VAV2: variants seen among roughly 807,000 people sequenced by gnomAD.
The protein encoded by VAV2 is guanine nucleotide exchange factor VAV2.
VAV2 carries 67 observed loss-of-function variants against 132.5 expected under a neutral mutation model. The observed-to-expected ratio is 0.51, with a 90% CI of 0.42 to 0.62. The LOEUF (loss-of-function observed/expected upper bound fraction) is 0.62. Ranked by LOEUF, VAV2 falls within the 20% of genes least tolerant of loss-of-function variation. The probability of loss-of-function intolerance (pLI) is 0.00; values close to 1 mark genes in which losing one functional copy is unlikely to be tolerated. For synonymous variants in VAV2, 492 were observed against 443.5 expected (o/e 1.11, Z -1.37); for missense variants, 938 against 1,153.6 (o/e 0.81, Z 2.71).
Position 133,863,376 on chromosome 9 carries a change from T to C in VAV2, c.322-1944A>G, listed in dbSNP as rs531114911. Among the ~76,000 whole-genome samples, 93 of 152,182 alleles carry C rather than the reference T, an allele frequency of 6.1e-4. No individual in the cohort carries two copies. The highest frequency in any genetic ancestry group is 1.2e-3 in the Non-Finnish European group (83 of 67,994). On this transcript the variant is annotated intron_variant, in intron 2 of 29. Transcript: ENST00000371850. This position sits in a 1 kb window ranked among gnomAD's most constrained non-coding sequence, Gnocchi z 5.0. ...CGGTCAGCGCTGACACACAAGAACC[T>C]GTTTGTCAACCTGGAGTCAGCGCAA...
intron 2 of VAV2, among the ~76,000 whole-genome samples, chr9:133,878,012 GCCC>G (rs1189918534): frequency 3.3e-5 from 5 of 152,140 alleles, no homozygotes; most frequent in African/African-American, 4.8e-5. Flanking sequence ...AAAGCACTTG[GCCC>G]CCCGACACCC....
intron 2 of VAV2, among the ~76,000 whole-genome samples, chr9:133,864,207 C>T (rs1187355881): frequency 2.0e-5 from 3 of 151,864 alleles, no homozygotes; most frequent in Non-Finnish European, 4.4e-5. Flanking sequence ...CTCCCTCTCC[C>T]GCAGACAGCC....
In VAV2 at chr9:133,885,579, G is replaced by C. The variant is rs373440172; in HGVS notation, c.322-24147C>G. On this transcript the variant is annotated intron_variant, in intron 2 of 29. Coordinates refer to ENST00000371850, the MANE Select transcript of VAV2 (RefSeq NM_001134398.2). This position sits in a 1 kb window ranked among gnomAD's most constrained non-coding sequence, Gnocchi z 5.0. ...AGATTTTACACAAGCAAGGTGCTCA[G>C]GCCGCAGGGGAGACGTGACCCCAGG... Among the ~76,000 whole-genome samples, 25 of 152,318 alleles carry C rather than the reference G, an allele frequency of 1.6e-4. No homozygotes were observed. Among genetic ancestry groups the C allele is most frequent in the African/African-American group, 5.8e-4 (24 of 41,568 alleles).
intron 20 of VAV2, 81 bp downstream of exon 20, chr9:133,780,613 C>A: frequency 5.5e-6 from 7 of 1,283,510 alleles, no homozygotes; most frequent in Non-Finnish European, 6.9e-6. Context: ...GAAAGGCAGA[C>A]AATTGGGTCT....
intron 16 of VAV2, among the ~76,000 whole-genome samples, chr9:133,786,601 TC>T (rs1214019844): frequency 2.6e-5 from 4 of 152,180 alleles, no homozygotes; most frequent in African/African-American, 9.7e-5. Flanking sequence ...ACCTCACTTC[TC>T]TGAAGTAGAA....
chr9:133,871,724 T>C (rs1838063314), intron 2 of VAV2, among the ~76,000 whole-genome samples: 1 of 152,136 alleles, frequency 6.6e-6, no homozygotes, highest in South Asian at 2.1e-4. Context: ...CCACTGACCC[T>C]ATTTTGCCAC....
Position 133,912,948 on chromosome 9 carries a change from G to C in VAV2, c.321+26155C>G, listed in dbSNP as rs143533567. 6.6e-6 allele frequency among the ~76,000 whole-genome samples: 1 copy of C among 152,174 alleles called. No homozygotes were observed. Among genetic ancestry groups the C allele is most frequent in the South Asian group, 2.1e-4 (1 of 4,836 alleles). On this transcript the variant is annotated intron_variant, in intron 2 of 29. Coordinates refer to ENST00000371850, the MANE Select transcript of VAV2 (RefSeq NM_001134398.2). The surrounding 1 kb of genome is among the most constrained non-coding windows in gnomAD (Gnocchi z 4.3). ...TCCAACTTCAGCCAGCACAGTCCAC[G>C]GGCGGTGGAGTGCCATTTGGAACCG...
chr9:133,957,440 T>G (rs1220256445), intron 1 of VAV2, among the ~76,000 whole-genome samples: 3 of 152,140 alleles, frequency 2.0e-5, no homozygotes, highest in Non-Finnish European at 2.9e-5. Flanking sequence ...GTGTGTGTGG[T>G]GTTTTCTACA....
chr9:133,979,910 C>T (rs1842641236), intron 1 of VAV2, among the ~76,000 whole-genome samples: 1 of 152,240 alleles, frequency 6.6e-6, no homozygotes. Context: ...CCTTCTCTCT[C>T]TCATCTGAAA....
intron 2 of VAV2, among the ~76,000 whole-genome samples, chr9:133,877,138 C>A (rs1036691203): frequency 2.0e-5 from 3 of 152,204 alleles, no homozygotes; most frequent in Non-Finnish European, 2.9e-5. Context: ...AGAACCCCCG[C>A]CCGGCCTGCT....
chr9:133,814,302 C>G (rs901506105), intron 4 of VAV2, among the ~76,000 whole-genome samples: 3 of 152,258 alleles, frequency 2.0e-5, no homozygotes, highest in Admixed American at 1.3e-4. Context: ...AAGGACACAG[C>G]CCCCACCTCT....
intron 2 of VAV2, among the ~76,000 whole-genome samples, chr9:133,870,920 ATGGATGGATGAG>A (rs1298098260): frequency 1.0e-5 from 1 of 99,344 alleles, no homozygotes; most frequent in East Asian, 3.7e-4. Flanking sequence ...GGGTGGATGG[ATGGATGGATGAG>A]TGGATGGATG....
rs147245198 is a variant in VAV2 at position 133,969,134 on chromosome 9, C to T, written c.204+22941G>A. 8.2e-3 allele frequency among the ~76,000 whole-genome samples: 1,239 copies of T among 151,808 alleles called. 9 individuals carry two copies. The highest frequency in any genetic ancestry group is 0.012 in the Non-Finnish European group (828 of 67,906). On this transcript the variant is annotated intron_variant, in intron 1 of 29. Coordinates refer to ENST00000371850, the MANE Select transcript of VAV2 (RefSeq NM_001134398.2). This position sits in a 1 kb window ranked among gnomAD's most constrained non-coding sequence, Gnocchi z 5.1. The stretch of plus-strand genomic sequence containing the variant: ...CACATGCCGGGATTCACACTTCCCC[C>T]GAGAGCTGGATTCCACCGTGCCCGC...
chr9:133,845,260 T>C (rs1836887615), intron 3 of VAV2, among the ~76,000 whole-genome samples: 1 of 152,228 alleles, frequency 6.6e-6, no homozygotes. Context: ...ATCCACGGGC[T>C]GGATGGCAGG....
chr9:133,803,224 G>A (rs994100368), intron 9 of VAV2, among the ~76,000 whole-genome samples: 8 of 152,124 alleles, frequency 5.3e-5, no homozygotes, highest in Admixed American at 5.2e-4. Flanking sequence ...GGGGGAGGAG[G>A]GCGTGGCCTT....
At chr9:133,954,224 T>C (rs747127216) in intron 1 of VAV2, among the ~76,000 whole-genome samples, 2 of 152,226 alleles carry the variant, frequency 1.3e-5, no homozygotes, top group Non-Finnish European at 2.9e-5. Context: ...CAGGGATTTC[T>C]GAGAAGCGGC....
At chr9:133,805,414 G>C (rs1268812246) in intron 9 of VAV2, among the ~76,000 whole-genome samples, 1 of 152,202 alleles carries the variant, frequency 6.6e-6, no homozygotes, top group Non-Finnish European at 1.5e-5. Context: ...ACCGTCCCCT[G>C]ATGGGGCTCT....
chr9:133,813,642 C>T (rs369080280), intron 4 of VAV2, among the ~76,000 whole-genome samples: 6 of 152,354 alleles, frequency 3.9e-5, no homozygotes, highest in African/African-American at 1.4e-4. Flanking sequence ...TGTGGAGCCT[C>T]CCGCAGGCAG....
At chr9:133,771,565 G>A (rs1221369877) in intron 26 of VAV2, among the ~76,000 whole-genome samples, 7 of 152,226 alleles carry the variant, frequency 4.6e-5, no homozygotes, top group African/African-American at 9.6e-5. Context: ...GGGGTGAGTC[G>A]GAGAAGAAGC....
Sources: allele counts gnomAD v4.1 joint callset (sites outside exome capture counted in the v4.1 genomes callset), GRCh38; gene constraint gnomAD v4.1.1; non-coding constraint Gnocchi (gnomAD v3.1); transcripts MANE v1.5; gene names NCBI Gene and HGNC (gene_info 2026-07-23, HGNC 2026-07-21).